TNFRSF19: variants seen among roughly 807,000 people sequenced by gnomAD.
TNFRSF19 encodes TNF receptor superfamily member 19.
TNFRSF19 carries 27 observed loss-of-function variants against 46.4 expected under a neutral mutation model. That is an observed-to-expected ratio of 0.58 (90% CI 0.43 to 0.80). The LOEUF (loss-of-function observed/expected upper bound fraction) is 0.80. Ranked by LOEUF, TNFRSF19 falls within the 30% of genes least tolerant of loss-of-function variation. The pLI is 0.00. For missense variants in TNFRSF19, 511 were observed against 530.8 expected (o/e 0.96, Z 0.37); for synonymous variants, 204 against 205.0 (o/e 1.00, Z 0.04).
intron 1 of TNFRSF19, chr13:23,585,680 T>C (rs1279745737): frequency 1.3e-5 from 2 of 152,202 alleles, no homozygotes; most frequent in African/African-American, 4.8e-5. Flanking sequence ...TACAGTTCTA[T>C]AGTGAAATCA....
chr13:23,575,547 C>T (rs7993474), intron 1 of TNFRSF19, among the ~76,000 whole-genome samples: 21,283 of 152,160 alleles, frequency 0.14, 1,831 homozygotes, highest in African/African-American at 0.23. Context: ...TCGGGAATTA[C>T]TTAAATAGCT....
In TNFRSF19 at chr13:23,673,625, ACATGAGAAGCTTCTCTGC is replaced by A; in HGVS notation, c.*248_*265del. 1 of 1,154,864 alleles carries A rather than the reference ACATGAGAAGCTTCTCTGC, an allele frequency of 8.7e-7. No homozygotes were observed. Among genetic ancestry groups the A allele is most frequent in the Non-Finnish European group, 1.1e-6 (1 of 920,790 alleles). The allele number at this position is 1,154,864 out of a possible 1,614,324, so 71.5% of individuals were successfully genotyped here. ...ACTCATGATACTCTGCATCTTTCCTACATGAGAAGCTTCTCTGCCACAAAAGTGACTTCAAAGACGGAT... is the reference window on the plus strand; with the variant it reads ...ACTCATGATACTCTGCATCTTTCCTACACAAAAGTGACTTCAAAGACGGAT... On this transcript the variant is annotated 3_prime_UTR_variant, in exon 10 of 10. Transcript: ENST00000248484.
chr13:23,609,362 C>T (rs541799747), intron 3 of TNFRSF19, among the ~76,000 whole-genome samples: 1 of 152,276 alleles, frequency 6.6e-6, no homozygotes, highest in South Asian at 2.1e-4. Flanking sequence ...CATCAGGCAT[C>T]CTTTCAGCTC....
rs538425059 is a variant in TNFRSF19, at chr13:23,620,882, T to C, written c.359+4837T>C. The stretch of plus-strand genomic sequence containing the variant: ...ACAATGACAACTAACATTGAGCACT[T>C]ACTATCATCCGAACCACTCTGTAAA... On this transcript the variant is annotated intron_variant, in intron 4 of 9. Transcript: ENST00000248484. Among the ~76,000 whole-genome samples the C allele has an allele frequency of 3.3e-5, 5 of 152,290 alleles. No homozygotes were observed. The East Asian group carries it at 7.7e-4, about 24-fold the overall frequency.
chr13:23,671,576 G>A (rs574624867), intron 9 of TNFRSF19, among the ~76,000 whole-genome samples: 1 of 151,504 alleles, frequency 6.6e-6, no homozygotes, highest in Non-Finnish European at 1.5e-5. Flanking sequence ...AGCTACTTCA[G>A]GCCTTTGGGG....
intron 5 of TNFRSF19, among the ~76,000 whole-genome samples, chr13:23,635,659 G>A (rs1882633217): frequency 6.6e-6 from 1 of 152,184 alleles, no homozygotes; most frequent in Admixed American, 6.5e-5. Flanking sequence ...GATTACAGGT[G>A]TGAGCCACAG....
rs3794353 is a variant in TNFRSF19, at chr13:23,613,450, G to T, written c.181-2417G>T. The stretch of plus-strand genomic sequence containing the variant: ...AAAATACATACTTTTCTCCTATGTT[G>T]ACCTGGCTTGAAACAGAATTTCCAA... On this transcript the variant is annotated intron_variant, in intron 3 of 9. Coordinates refer to ENST00000248484, the MANE Select transcript of TNFRSF19 (RefSeq NM_148957.4). Among the ~76,000 whole-genome samples the T allele has an allele frequency of 7.6e-3, 1,158 of 152,282 alleles. 26 individuals carry two copies. Among genetic ancestry groups the T allele is most frequent in the East Asian group, 0.075 (391 of 5,182 alleles).
intron 5 of TNFRSF19, among the ~76,000 whole-genome samples, chr13:23,651,561 C>T (rs1187485999): frequency 2.6e-5 from 4 of 152,150 alleles, no homozygotes; most frequent in Admixed American, 6.5e-5. Flanking sequence ...AGTTCATTTA[C>T]AACTTGATCT....
intron 5 of TNFRSF19, among the ~76,000 whole-genome samples, chr13:23,654,291 G>A (rs946990402): frequency 7.9e-5 from 12 of 152,200 alleles, no homozygotes; most frequent in Non-Finnish European, 1.5e-4. Context: ...GAGTCCAGCT[G>A]TGACTGCCTG....
At chr13:23,621,436 T>G (rs547680099) in intron 4 of TNFRSF19, among the ~76,000 whole-genome samples, 2 of 152,280 alleles carry the variant, frequency 1.3e-5, no homozygotes, top group Admixed American at 1.3e-4. Flanking sequence ...TGTCATCCAG[T>G]GTCTCACAGA....
At chr13:23,667,894 A>G (rs2138414718) in intron 7 of TNFRSF19, 86 bp from the exon 8 acceptor site, 1 of 1,154,398 alleles carries the variant, frequency 8.7e-7, no homozygotes, top group East Asian at 2.9e-5. Flanking sequence ...AAACATCTAA[A>G]TTTCCGAGAG....
At chr13:23,580,955 C>G (rs1312236782) in intron 1 of TNFRSF19, among the ~76,000 whole-genome samples, 1 of 152,194 alleles carries the variant, frequency 6.6e-6, no homozygotes, top group East Asian at 1.9e-4. Flanking sequence ...TAAGTGCTAA[C>G]TCTGAGAGGT....
chr13:23,665,526 G>A (rs114789634), intron 7 of TNFRSF19, among the ~76,000 whole-genome samples: 148 of 151,434 alleles, frequency 9.8e-4, no homozygotes, highest in African/African-American at 1.9e-3. Context: ...CAGAAATATC[G>A]AAAGTGTAGA....
chr13:23,603,576 A>G (rs1880315923), intron 3 of TNFRSF19, among the ~76,000 whole-genome samples: 3 of 152,092 alleles, frequency 2.0e-5, no homozygotes. Context: ...ACAAAATATT[A>G]GCAAATTGAA....
intron 4 of TNFRSF19, among the ~76,000 whole-genome samples, chr13:23,625,309 A>G (rs976072932): frequency 6.7e-6 from 1 of 149,720 alleles, no homozygotes; most frequent in Non-Finnish European, 1.5e-5. Context: ...TTTCATAAAC[A>G]ATGCTGTGAT....
At chr13:23,621,073 G>C (rs1005067157) in intron 4 of TNFRSF19, among the ~76,000 whole-genome samples, 3 of 152,096 alleles carry the variant, frequency 2.0e-5, no homozygotes, top group Non-Finnish European at 4.4e-5. Flanking sequence ...GGAGGTCACC[G>C]CTGGGGCTTC....
At chr13:23,621,753 G>C (rs148373070) in intron 4 of TNFRSF19, among the ~76,000 whole-genome samples, 1 of 150,124 alleles carries the variant, frequency 6.7e-6, no homozygotes, top group Non-Finnish European at 1.5e-5. Flanking sequence ...ACATCAGCCT[G>C]GGCAACATGG....
At position 23,578,092 on chromosome 13, in the gene TNFRSF19, G is replaced by A. The variant is rs530177336; in HGVS notation, c.-35+7244G>A. Among the ~76,000 whole-genome samples the A allele has an allele frequency of 9.2e-5, 14 of 152,310 alleles. No homozygotes were observed. The South Asian group carries it at 2.9e-3, about 32-fold the overall frequency. On this transcript the variant is annotated intron_variant, in intron 1 of 9. Transcript: ENST00000248484. ...GTGTGCTAGGCCCCGGGATATCAAG[G>A]AATTAGGAGATGCCCTCGGGAGATC...
At chr13:23,617,026 A>T (rs1881344419) in intron 4 of TNFRSF19, among the ~76,000 whole-genome samples, 1 of 152,210 alleles carries the variant, frequency 6.6e-6, no homozygotes, top group East Asian at 1.9e-4. Flanking sequence ...GGACAGTGAC[A>T]GCGTAAATTG....
Sources: gnomAD v4.1 joint callset for allele counts (sites outside exome capture counted in the v4.1 genomes callset) on GRCh38, gnomAD v4.1.1 for gene constraint, MANE v1.5 for transcripts, NCBI Gene and HGNC (gene_info 2026-07-23, HGNC 2026-07-21) for gene names.